PTPRD: variants seen among roughly 807,000 people sequenced by gnomAD.
The protein encoded by PTPRD is receptor-type tyrosine-protein phosphatase delta.
PTPRD carries 34 observed loss-of-function variants against 214.5 expected under a neutral mutation model. The observed-to-expected ratio is 0.16, with a 90% confidence interval of 0.12 to 0.21. The LOEUF is 0.21. Among genes scored for constraint, PTPRD ranks in the 10% least tolerant of loss-of-function variants. The pLI is 1.00. For missense variants in PTPRD, 2,545 were observed against 2,398.7 expected (o/e 1.06, Z -1.27); for synonymous variants, 1,128 against 845.7 (o/e 1.33, Z -5.79).
chr9:9,275,054 T>G (rs1416092034), intron 9 of PTPRD, among the ~76,000 whole-genome samples: 2 of 85,662 alleles, frequency 2.3e-5, no homozygotes, highest in African/African-American at 4.7e-5. Context: ...CATATATATA[T>G]GTATATATAT....
At chr9:10,243,996 G>A (rs537625197) in intron 3 of PTPRD, among the ~76,000 whole-genome samples, 1 of 150,122 alleles carries the variant, frequency 6.7e-6, no homozygotes, top group South Asian at 2.1e-4. Context: ...TCTAAAGTAG[G>A]ATCATAATTA....
Position 10,372,388 on chromosome 9 carries a change from G to C in PTPRD, c.-599-31371C>G, listed in dbSNP as rs146880617. 6.0e-3 allele frequency among the ~76,000 whole-genome samples: 917 copies of C among 152,138 alleles called. 7 individuals are homozygous for C. The highest frequency in any genetic ancestry group is 0.021 in the African/African-American group (878 of 41,516). On this transcript the variant is annotated intron_variant, in intron 2 of 45. Transcript: ENST00000381196. The stretch of plus-strand genomic sequence containing the variant: ...ATTAGTATTCCTTTTGTTCCTGGAA[G>C]TTTTTGCTTAGATATTTTTGTCATG...
At chr9:8,598,636 G>A (rs1423453616) in intron 14 of PTPRD, among the ~76,000 whole-genome samples, 1 of 152,020 alleles carries the variant, frequency 6.6e-6, no homozygotes, top group African/African-American at 2.4e-5. Flanking sequence ...TTTAACACAA[G>A]CAATTATTTC....
At chr9:9,992,946 A>C (rs1251520536) in intron 4 of PTPRD, among the ~76,000 whole-genome samples, 3 of 150,622 alleles carry the variant, frequency 2.0e-5, no homozygotes, top group African/African-American at 7.3e-5. Flanking sequence ...ACTTAAAGTA[A>C]AATAATAATA....
intron 39 of PTPRD, among the ~76,000 whole-genome samples, chr9:8,357,325 C>T (rs985777809): frequency 6.6e-6 from 1 of 152,186 alleles, no homozygotes; most frequent in Non-Finnish European, 1.5e-5. Context: ...GACAATGCCT[C>T]ATTTTAGCAG....
intron 12 of PTPRD, among the ~76,000 whole-genome samples, chr9:8,689,481 G>A (rs1338592680): frequency 2.0e-5 from 3 of 152,162 alleles, no homozygotes; most frequent in Admixed American, 6.5e-5. Flanking sequence ...ATCATGGTAG[G>A]AGGTGAAATG....
chr9:9,412,665 C>T (rs914649258), intron 8 of PTPRD, among the ~76,000 whole-genome samples: 6 of 152,258 alleles, frequency 3.9e-5, no homozygotes, highest in South Asian at 2.1e-4. Flanking sequence ...ACACACCTCT[C>T]TTCGCTCTAT....
intron 42 of PTPRD, among the ~76,000 whole-genome samples, 156 bp from the exon 43 acceptor site, chr9:8,339,203 A>T (rs3765142): frequency 0.61 from 92,305 of 152,038 alleles, 28,446 homozygotes; most frequent in Non-Finnish European, 0.65. Flanking sequence ...ATTTCCTCTT[A>T]GAAACCATGA....
At chr9:9,318,182 C>G (rs1270963742) in intron 9 of PTPRD, among the ~76,000 whole-genome samples, 1 of 129,200 alleles carries the variant, frequency 7.7e-6, no homozygotes, top group Non-Finnish European at 1.7e-5. Context: ...AAAAAAGAAA[C>G]AAAAAACAAA....
At position 8,757,639 on chromosome 9, in the gene PTPRD, TATACATACATATATAC is replaced by T. The variant is rs1265994791; in HGVS notation, c.-103-23709_-103-23694del. Among the ~76,000 whole-genome samples the T allele has an allele frequency of 1.2e-3, 170 of 141,646 alleles. 1 individual carries two copies. Among genetic ancestry groups the T allele is most frequent in the African/African-American group, 4.0e-3 (140 of 35,440 alleles). The allele number at this position is 141,646 out of a possible 152,430, so 92.9% of individuals were successfully genotyped here. ...AATTCTGCATATATATATATATATA[TATACATACATATATAC>T]ATATATATATACATACATATATATA... On this transcript the variant is annotated intron_variant, in intron 11 of 45. Coordinates refer to ENST00000381196, the MANE Select transcript of PTPRD (RefSeq NM_002839.4).
rs2094318346 is a variant in PTPRD at position 10,269,843 on chromosome 9, T to C, written c.-545+71120A>G. Reference sequence around the variant, plus strand: ...TAAAACATAATTCTAAAAAGTAAACTTCAAAAAAATTAAAAACTGCTTTAA... The same window carrying C: ...TAAAACATAATTCTAAAAAGTAAACCTCAAAAAAATTAAAAACTGCTTTAA... On this transcript the variant is annotated intron_variant, in intron 3 of 45. Transcript: ENST00000381196. Among the ~76,000 whole-genome samples the C allele has an allele frequency of 4.6e-5, 7 of 152,102 alleles. No individual in the cohort carries two copies. In the South Asian group the frequency reaches 1.4e-3, roughly 32 times the overall value.
At chr9:10,459,074 G>T (rs112980824) in intron 2 of PTPRD, among the ~76,000 whole-genome samples, 3 of 151,988 alleles carry the variant, frequency 2.0e-5, no homozygotes, top group East Asian at 1.9e-4. Context: ...ACAGGCCCCA[G>T]TGTGTGATGT....
chr9:10,108,647 T>C (rs1302743251), intron 3 of PTPRD, among the ~76,000 whole-genome samples: 1 of 152,090 alleles, frequency 6.6e-6, no homozygotes, highest in African/African-American at 2.4e-5. Flanking sequence ...ATCAATATGT[T>C]GAAGAGATTT....
intron 11 of PTPRD, among the ~76,000 whole-genome samples, chr9:8,743,109 A>AT (rs1190996740): frequency 9.9e-6 from 1 of 100,532 alleles, no homozygotes; most frequent in East Asian, 3.0e-4. Context: ...CAAATTAAAA[A>AT]AAAAAGGGGG....
At chr9:8,336,661 AAC>A (rs1588000111) in intron 43 of PTPRD, among the ~76,000 whole-genome samples, 2 of 150,488 alleles carry the variant, frequency 1.3e-5, no homozygotes, top group African/African-American at 4.9e-5. Flanking sequence ...CATCAGAGTG[AAC>A]AGGCAACCTA....
intron 9 of PTPRD, among the ~76,000 whole-genome samples, chr9:9,246,322 T>C (rs1569565618): frequency 6.6e-6 from 1 of 152,034 alleles, no homozygotes; most frequent in African/African-American, 2.4e-5. Flanking sequence ...AAACTGAACT[T>C]TTCCTGCAGC....
At chr9:9,756,983 G>A (rs1362635545) in intron 6 of PTPRD, among the ~76,000 whole-genome samples, 1 of 152,100 alleles carries the variant, frequency 6.6e-6, no homozygotes, top group African/African-American at 2.4e-5. Flanking sequence ...ACAAGAATGT[G>A]TTTCATAAAA....
At chr9:9,715,390 G>A (rs2097800839) in intron 7 of PTPRD, among the ~76,000 whole-genome samples, 1 of 152,020 alleles carries the variant, frequency 6.6e-6, no homozygotes, top group African/African-American at 2.4e-5. Flanking sequence ...TTGCAGAAAT[G>A]ACGTGTTATA....
chr9:8,638,044 T>G (rs990930418), intron 12 of PTPRD, among the ~76,000 whole-genome samples: 2 of 152,068 alleles, frequency 1.3e-5, no homozygotes, highest in Non-Finnish European at 2.9e-5. Flanking sequence ...TCCTTGAGTT[T>G]TTACAATTAT....
Sources: allele counts gnomAD v4.1 joint callset (sites outside exome capture counted in the v4.1 genomes callset), GRCh38; gene constraint gnomAD v4.1.1; transcripts MANE v1.5; gene names NCBI Gene and HGNC (gene_info 2026-07-23, HGNC 2026-07-21).